Variants in FTO observed in about 807,000 individuals in gnomAD.
FTO encodes the protein alpha-ketoglutarate-dependent dioxygenase FTO.
In FTO, 47 loss-of-function variants were observed where a neutral mutation model predicts 63.9. That is an observed-to-expected ratio of 0.74 (90% CI 0.58 to 0.94). The LOEUF is 0.94. Ranked by LOEUF, FTO falls within the 40% of genes least tolerant of loss-of-function variation. FTO has a pLI of 0.00. For missense variants in FTO, 562 were observed against 618.1 expected, an observed-to-expected ratio of 0.91 and a Z score of 0.96; for synonymous variants, 207 against 224.4, an observed-to-expected ratio of 0.92 and a Z score of 0.69.
intron 8 of FTO, among the ~76,000 whole-genome samples, chr16:54,051,672 C>T (rs1381713405): frequency 1.3e-5 from 2 of 152,212 alleles, no homozygotes; most frequent in Non-Finnish European, 2.9e-5. Flanking sequence ...TTTTTAAATG[C>T]CCATGATCTC....
chr16:53,874,622 G>A (rs74876214), intron 5 of FTO, among the ~76,000 whole-genome samples: 229 of 152,258 alleles, frequency 1.5e-3, no homozygotes, highest in African/African-American at 5.1e-3. Context: ...AAAATTGGGC[G>A]GAAGTGGTAC....
intron 1 of FTO, among the ~76,000 whole-genome samples, chr16:53,792,871 A>T (rs1432221250): frequency 1.3e-5 from 2 of 152,182 alleles, no homozygotes; most frequent in African/African-American, 4.8e-5. Context: ...ATGTAGGTAG[A>T]ATGGCAAGGA....
chr16:53,872,908 G>A (rs1397449986), intron 4 of FTO, among the ~76,000 whole-genome samples: 1 of 152,148 alleles, frequency 6.6e-6, no homozygotes, highest in Admixed American at 6.5e-5. Flanking sequence ...TATAGATTTT[G>A]CCTGACTTGT....
intron 1 of FTO, among the ~76,000 whole-genome samples, chr16:53,767,469 GTTGT>G (rs1211187258): frequency 1.3e-5 from 2 of 151,810 alleles, no homozygotes; most frequent in African/African-American, 4.8e-5. Flanking sequence ...TAACCTGCAC[GTTGT>G]GCACATGTAC....
rs138092675 is a variant in FTO at position 54,049,761 on chromosome 16, G to A, written c.1365-62001G>A. Among the ~76,000 whole-genome samples the A allele has an allele frequency of 3.5e-3, 528 of 152,326 alleles. 4 individuals are homozygous for A. The highest frequency in any genetic ancestry group is 0.012 in the African/African-American group (504 of 41,576). On this transcript the variant is annotated intron_variant, in intron 8 of 8. Coordinates refer to ENST00000471389, the MANE Select transcript of FTO (RefSeq NM_001080432.3). ...AAGGGAAGAGGGAGGGCAGTCAGAAGGTGGCCACTCTGAGATGCCCATTCA... is the reference window on the plus strand; with the variant it reads ...AAGGGAAGAGGGAGGGCAGTCAGAAAGTGGCCACTCTGAGATGCCCATTCA...
chr16:53,864,267 A>C (rs956964036), intron 4 of FTO, among the ~76,000 whole-genome samples: 6 of 152,152 alleles, frequency 3.9e-5, no homozygotes, highest in African/African-American at 1.4e-4. Context: ...CCTTTAGCAA[A>C]AGTCATGATT....
At chr16:53,853,068 G>A (rs983553696) in intron 4 of FTO, among the ~76,000 whole-genome samples, 3 of 152,256 alleles carry the variant, frequency 2.0e-5, no homozygotes, top group South Asian at 2.1e-4. Context: ...TGAGGCGGGC[G>A]GATCACCTGA....
intron 8 of FTO, among the ~76,000 whole-genome samples, chr16:54,004,059 T>G (rs4784338): frequency 0.69 from 105,637 of 152,042 alleles, 38,028 homozygotes; most frequent in African/African-American, 0.89. Flanking sequence ...TCTTCCAGAG[T>G]TTTTGTTGAA....
intron 8 of FTO, chr16:54,070,871 GAGAC>G (rs1248674190): frequency 6.6e-6 from 1 of 152,228 alleles, no homozygotes; most frequent in African/African-American, 2.4e-5. Flanking sequence ...TGTATTCAAA[GAGAC>G]AGACAGGAAT....
At chr16:53,866,804 A>G (rs1431812435) in intron 4 of FTO, among the ~76,000 whole-genome samples, 4 of 151,884 alleles carry the variant, frequency 2.6e-5, no homozygotes, top group Admixed American at 2.6e-4. Flanking sequence ...TTGATCTTTT[A>G]AAAGAACCAA....
At chr16:54,021,216 T>C (rs1357380526) in intron 8 of FTO, among the ~76,000 whole-genome samples, 1 of 151,736 alleles carries the variant, frequency 6.6e-6, no homozygotes, top group Non-Finnish European at 1.5e-5. Flanking sequence ...TCCTCATCTT[T>C]TCATTTAGAG....
At chr16:54,037,097 C>G (rs2084958153) in intron 8 of FTO, among the ~76,000 whole-genome samples, 1 of 152,190 alleles carries the variant, frequency 6.6e-6, no homozygotes. Context: ...GGTCCAACAA[C>G]CTGGGTAGAG....
chr16:54,082,558 C>T (rs890425273), intron 8 of FTO, among the ~76,000 whole-genome samples: 4 of 152,164 alleles, frequency 2.6e-5, no homozygotes, highest in Non-Finnish European at 5.9e-5. Flanking sequence ...AACTTATGTA[C>T]TCTCATAGAC....
At chr16:53,763,092 TA>T (rs2077109214) in intron 1 of FTO, among the ~76,000 whole-genome samples, 1 of 152,190 alleles carries the variant, frequency 6.6e-6, no homozygotes, top group East Asian at 1.9e-4. Context: ...AAAATTAACA[TA>T]AAGGAAGAAG....
intron 4 of FTO, among the ~76,000 whole-genome samples, chr16:53,867,590 G>A (rs768120987): frequency 6.6e-6 from 1 of 151,188 alleles, no homozygotes; most frequent in Non-Finnish European, 1.5e-5. Flanking sequence ...TCTTAAATTT[G>A]GTAATACGTG....
rs567895353 is a variant in FTO at position 53,805,630 on chromosome 16, C to T, written c.46-4510C>T. Among the ~76,000 whole-genome samples the T allele has an allele frequency of 7.2e-5, 11 of 151,974 alleles. No individual in the cohort carries two copies. In the South Asian group the frequency reaches 2.1e-3, roughly 29 times the overall value. ...CGCCTGGCTAGTTTTTGTATTTTTT[C>T]GTAGAGACGGGTTTTTACCATTTTC... On this transcript the variant is annotated intron_variant, in intron 1 of 8. Coordinates refer to ENST00000471389, the MANE Select transcript of FTO (RefSeq NM_001080432.3).
At position 54,114,164 on chromosome 16, in the gene FTO, A is replaced by C. The variant is rs75681401; in HGVS notation, c.*2249A>C. The C allele has an allele frequency of 6.6e-6, 1 of 152,202 alleles. No homozygotes were observed. The highest frequency in any genetic ancestry group is 1.5e-5 in the Non-Finnish European group (1 of 68,048). The allele number at this position is 152,202 out of a possible 1,614,324, so 9.4% of individuals were successfully genotyped here. ...AATAGTCCTAGGCCCCCATCCTCGC[A>C]TGGCAGCAAGCTAAATAAGCATCTT... On this transcript the variant is annotated 3_prime_UTR_variant, in exon 9 of 9. Transcript: ENST00000471389.
intron 4 of FTO, among the ~76,000 whole-genome samples, chr16:53,861,981 G>C (rs2080186993): frequency 6.6e-6 from 1 of 152,180 alleles, no homozygotes; most frequent in African/African-American, 2.4e-5. Flanking sequence ...GCTGGGTGCA[G>C]TGGCTCATCC....
intron 2 of FTO, among the ~76,000 whole-genome samples, chr16:53,820,851 G>T (rs1007357638): frequency 1.3e-5 from 2 of 152,144 alleles, no homozygotes; most frequent in South Asian, 4.1e-4. Flanking sequence ...GTGTGGAGTT[G>T]GGGGAGGAGC....
Sources: gnomAD v4.1 joint callset for allele counts (sites outside exome capture counted in the v4.1 genomes callset) on GRCh38, gnomAD v4.1.1 for gene constraint, MANE v1.5 for transcripts, NCBI Gene and HGNC (gene_info 2026-07-23, HGNC 2026-07-21) for gene names.